CPEB3: variants seen among roughly 807,000 people sequenced by gnomAD.
CPEB3 encodes the protein cytoplasmic polyadenylation element-binding protein 3.
Under a neutral mutation model 67.2 loss-of-function variants are expected in CPEB3, and 20 were observed. That is an observed-to-expected ratio of 0.30 (90% CI 0.21 to 0.43). The LOEUF (loss-of-function observed/expected upper bound fraction) is 0.43. CPEB3 is among the 20% of genes least tolerant of loss of function. The pLI, the probability that CPEB3 is intolerant of heterozygous loss-of-function variation, is 1.00. For missense variants in CPEB3, 746 were observed against 968.6 expected, an observed-to-expected ratio of 0.77 and a Z score of 3.05; for synonymous variants, 376 against 393.1, an observed-to-expected ratio of 0.96 and a Z score of 0.51.
chr10:92,145,973 TAAAC>T, intron 4 of CPEB3, among the ~76,000 whole-genome samples: 1 of 152,192 alleles, frequency 6.6e-6, no homozygotes, highest in East Asian at 1.9e-4. Context: ...AATTTGGAAA[TAAAC>T]ATACGCAATA....
At chr10:92,061,443 A>C (rs1842349213) in intron 9 of CPEB3, among the ~76,000 whole-genome samples, 1 of 136,928 alleles carries the variant, frequency 7.3e-6, no homozygotes, top group African/African-American at 2.7e-5. Flanking sequence ...AAAAAAAAAA[A>C]CATATGAATA....
chr10:92,228,405 C>T (rs942375375), intron 2 of CPEB3, among the ~76,000 whole-genome samples: 1 of 152,062 alleles, frequency 6.6e-6, no homozygotes, highest in Non-Finnish European at 1.5e-5. Flanking sequence ...ATTTTCCATT[C>T]CAGATTGCAA....
chr10:92,054,429 C>T (rs80211037), intron 9 of CPEB3, among the ~76,000 whole-genome samples: 1 of 147,616 alleles, frequency 6.8e-6, no homozygotes, highest in African/African-American at 2.5e-5. Flanking sequence ...ATTGCTACAT[C>T]TTTTTTTTTT....
At chr10:92,270,198 A>T (rs1853244932) in intron 1 of CPEB3, among the ~76,000 whole-genome samples, 1 of 152,260 alleles carries the variant, frequency 6.6e-6, no homozygotes, top group African/African-American at 2.4e-5. Flanking sequence ...GAGAGACTTC[A>T]ATCAATTCCA....
intron 1 of CPEB3, among the ~76,000 whole-genome samples, chr10:92,287,923 T>G (rs1842608329): frequency 6.6e-6 from 1 of 152,180 alleles, no homozygotes; most frequent in Non-Finnish European, 1.5e-5. Context: ...CTAGTCTACT[T>G]TCCGTCTCTA....
intron 2 of CPEB3, among the ~76,000 whole-genome samples, chr10:92,205,593 C>T (rs10882035): frequency 0.31 from 46,783 of 150,522 alleles, 7,543 homozygotes; most frequent in Admixed American, 0.43. Flanking sequence ...TCTCCTGCCT[C>T]AGCCTCCTGA....
At chr10:92,087,003 T>A (rs1208879560) in intron 8 of CPEB3, among the ~76,000 whole-genome samples, 1 of 152,214 alleles carries the variant, frequency 6.6e-6, no homozygotes, top group East Asian at 1.9e-4. Context: ...AAGCTTCTAC[T>A]GTTGAAAAAC....
chr10:92,208,931 A>G (rs976204024), intron 2 of CPEB3, among the ~76,000 whole-genome samples: 3 of 152,098 alleles, frequency 2.0e-5, no homozygotes, highest in Non-Finnish European at 4.4e-5. Flanking sequence ...TTGTCCTCCC[A>G]TAATTCCTAG....
At chr10:92,056,458 G>T (rs528634601) in intron 9 of CPEB3, among the ~76,000 whole-genome samples, 1 of 152,286 alleles carries the variant, frequency 6.6e-6, no homozygotes, top group South Asian at 2.1e-4. Context: ...GGCCCTCGTA[G>T]TACCTGGTTT....
At chr10:92,139,289 T>TTAAAAAAA (rs1554895869) in intron 6 of CPEB3, among the ~76,000 whole-genome samples, 1 of 71,168 alleles carries the variant, frequency 1.4e-5, no homozygotes, top group African/African-American at 3.7e-5. Flanking sequence ...CACACACACA[T>TTAAAAAAA]AAAAAAAAAA....
At chr10:92,106,837 A>AG (rs1457039444) in intron 7 of CPEB3, among the ~76,000 whole-genome samples, 26 of 136,776 alleles carry the variant, frequency 1.9e-4, no homozygotes, top group Non-Finnish European at 4.3e-4. Context: ...AAAAAAAAAA[A>AG]AAAGAAAGAA....
Position 92,226,791 on chromosome 10 carries a change from G to A in CPEB3, c.1005+12555C>T, listed in dbSNP as rs74149392. 2.9e-3 allele frequency among the ~76,000 whole-genome samples: 442 copies of A among 151,932 alleles called. 1 individual carries two copies. Among genetic ancestry groups the A allele is most frequent in the African/African-American group, 0.01 (419 of 41,400 alleles). On this transcript the variant is annotated intron_variant, in intron 2 of 9. Coordinates refer to ENST00000265997, the MANE Select transcript of CPEB3 (RefSeq NM_014912.5). ...GAGAGAGGGCTGACCTGGGCAGAGT[G>A]GGGGCTCAGGGAGGAGACCTGCAGG... is the stretch of plus-strand genomic sequence containing the variant.
At chr10:92,119,762 G>A (rs1444641748) in intron 6 of CPEB3, among the ~76,000 whole-genome samples, 1 of 152,108 alleles carries the variant, frequency 6.6e-6, no homozygotes, top group African/African-American at 2.4e-5. Context: ...ATTGACACAA[G>A]AGGAAGATCC....
At chr10:92,214,220 A>G (rs1850231840) in intron 2 of CPEB3, among the ~76,000 whole-genome samples, 1 of 152,112 alleles carries the variant, frequency 6.6e-6, no homozygotes, top group Non-Finnish European at 1.5e-5. Flanking sequence ...AGTGCCTTAT[A>G]AAAGGGTTAG....
Position 92,049,212 on chromosome 10 carries a change from C to G in CPEB3, c.*3000G>C, listed in dbSNP as rs1358363914. 6.6e-6 allele frequency: 1 copy of G among 151,804 alleles called. No individual in the cohort carries two copies. The allele number at this position is 151,804 out of a possible 1,614,324, so 9.4% of individuals were successfully genotyped here. A position where few individuals can be genotyped will look rare whatever the true frequency, so the allele number is the denominator to read the frequency against. ...TGCAATAAAGATTTATGCCTTTTTT[C>G]TTTTCTTTTTTTTTTCTATTTTTTA... On this transcript the variant is annotated 3_prime_UTR_variant, in exon 10 of 10. Transcript: ENST00000265997.
intron 2 of CPEB3, among the ~76,000 whole-genome samples, chr10:92,218,236 G>A (rs1346029130): frequency 1.3e-5 from 2 of 151,956 alleles, no homozygotes; most frequent in African/African-American, 2.4e-5. Flanking sequence ...GTGAAACCTC[G>A]TCTCTACTAA....
rs373401631 is a variant in CPEB3, at chr10:92,101,866, C to T, written c.1572+9210G>A. On this transcript the variant is annotated intron_variant, in intron 7 of 9. Transcript: ENST00000265997. Reference sequence around the variant, plus strand: ...GAGGTTGCAGTGAGCCGAGATTATGCCACTGCATTCCAGCCTGGGTGACAG... The same window carrying T: ...GAGGTTGCAGTGAGCCGAGATTATGTCACTGCATTCCAGCCTGGGTGACAG... 3.2e-4 allele frequency among the ~76,000 whole-genome samples: 49 copies of T among 152,138 alleles called. 1 individual carries two copies. The highest frequency in any genetic ancestry group is 1.2e-3 in the African/African-American group (48 of 41,414).
chr10:92,070,270 T>C (rs1279120621), intron 9 of CPEB3, among the ~76,000 whole-genome samples: 1 of 152,230 alleles, frequency 6.6e-6, no homozygotes, highest in African/African-American at 2.4e-5. Context: ...GATTATAATA[T>C]GTCATAGAAT....
At chr10:92,111,055 A>G in intron 7 of CPEB3, 21 bp downstream of exon 7, 3 of 1,499,238 alleles carry the variant, frequency 2.0e-6, no homozygotes, top group Non-Finnish European at 2.8e-6. Flanking sequence ...GAAAAGCAAC[A>G]GCTGGCCATG....
Sources: gnomAD v4.1 joint callset for allele counts (sites outside exome capture counted in the v4.1 genomes callset) on GRCh38, gnomAD v4.1.1 for gene constraint, MANE v1.5 for transcripts, NCBI Gene and HGNC (gene_info 2026-07-23, HGNC 2026-07-21) for gene names.